The following B3GAT2 variants were observed in gnomAD, a reference collection of about 807,000 sequenced individuals.
B3GAT2 encodes the protein galactosylgalactosylxylosylprotein 3-beta-glucuronosyltransferase 2.
In B3GAT2, 26 loss-of-function variants were observed where a neutral mutation model predicts 27.8. The observed-to-expected ratio is 0.93, with a 90% confidence interval of 0.68 to 1.30. The LOEUF is 1.30. Among genes scored for constraint, B3GAT2 ranks in the 50% most tolerant of loss-of-function variants. The pLI is 0.00. For missense variants in B3GAT2, 458 were observed against 459.0 expected (o/e 1.00, Z 0.02); for synonymous variants, 218 against 195.1 (o/e 1.12, Z -0.98).
At chr6:70,925,554 C>T (rs1772941292) in intron 1 of B3GAT2, among the ~76,000 whole-genome samples, 1 of 152,218 alleles carries the variant, frequency 6.6e-6, no homozygotes, top group Non-Finnish European at 1.5e-5. Flanking sequence ...ACTGCTAGCA[C>T]AGCAGTCCGA....
At chr6:70,949,083 A>G (rs1336186521) in intron 1 of B3GAT2, among the ~76,000 whole-genome samples, 1 of 152,158 alleles carries the variant, frequency 6.6e-6, no homozygotes, top group Non-Finnish European at 1.5e-5. Context: ...TAAACGTTAG[A>G]CCTAAAACCA....
intron 1 of B3GAT2, among the ~76,000 whole-genome samples, chr6:70,942,969 T>A (rs952682775): frequency 1.3e-5 from 2 of 152,184 alleles, no homozygotes; most frequent in Non-Finnish European, 2.9e-5. Flanking sequence ...CAGTTCAAGC[T>A]GAAGGAACAA....
chr6:70,917,844 G>A (rs920190300), intron 1 of B3GAT2, among the ~76,000 whole-genome samples: 3 of 152,186 alleles, frequency 2.0e-5, no homozygotes, highest in African/African-American at 4.8e-5. Flanking sequence ...GAATAAGTGT[G>A]ATGTGGGGCT....
chr6:70,928,600 T>G (rs535408900), intron 1 of B3GAT2, among the ~76,000 whole-genome samples: 2 of 152,068 alleles, frequency 1.3e-5, no homozygotes, highest in East Asian at 3.8e-4. Flanking sequence ...AATAGAAAAA[T>G]TCCTGGACAC....
intron 1 of B3GAT2, among the ~76,000 whole-genome samples, chr6:70,911,272 T>C (rs913792125): frequency 6.6e-5 from 10 of 152,178 alleles, no homozygotes; most frequent in Admixed American, 3.9e-4. Flanking sequence ...GGTTTTCCTC[T>C]AGGGTTTTAT....
intron 1 of B3GAT2, among the ~76,000 whole-genome samples, chr6:70,898,619 ATT>A (rs1772434709): frequency 6.6e-6 from 1 of 152,084 alleles, no homozygotes; most frequent in Admixed American, 6.6e-5. Context: ...AATGGCCATG[ATT>A]TTTCAGCTCC....
intron 1 of B3GAT2, among the ~76,000 whole-genome samples, chr6:70,955,417 A>AC: frequency 3.1e-5 from 1 of 32,734 alleles, no homozygotes; most frequent in Non-Finnish European, 6.5e-5. Context: ...CGTCCCCACC[A>AC]CCCCCACCCC....
rs369211351 is a variant in B3GAT2 at position 70,956,154 on chromosome 6, C to T, written c.276G>A (p.Pro92=). The change falls in exon 1 of 4, where the codon CCG becomes CCA. Residue 92 remains proline (P), a synonymous_variant. Transcript: ENST00000230053. ...GGCGGGTCAGCTCCGCTTTCTGCAC[C>T]GGGCGGCTGTAGGTGGGCGTGATGG... is the stretch of plus-strand genomic sequence containing the variant. ...IYAITPTYSR[P]VQKAELTRLA... 2.3e-5 allele frequency: 37 copies of T among 1,607,070 alleles called. No homozygotes were observed. Among genetic ancestry groups the T allele is most frequent in the African/African-American group, 5.4e-5 (4 of 74,734 alleles).
intron 1 of B3GAT2, among the ~76,000 whole-genome samples, chr6:70,950,971 C>A (rs570086741): frequency 6.6e-6 from 1 of 152,172 alleles, no homozygotes; most frequent in East Asian, 1.9e-4. Flanking sequence ...TATTTCTGTG[C>A]TTTGGAGATG....
At chr6:70,927,627 C>T (rs1205389220) in intron 1 of B3GAT2, among the ~76,000 whole-genome samples, 2 of 152,178 alleles carry the variant, frequency 1.3e-5, no homozygotes, top group East Asian at 3.8e-4. Flanking sequence ...CAAGAGCTAA[C>T]TATCCTAAAT....
Position 70,857,976 on chromosome 6 carries a change from T to C in B3GAT2, c.*3687A>G. 6.2e-7 allele frequency: 1 copy of C among 1,614,154 alleles called. No homozygotes were observed. Among genetic ancestry groups the C allele is most frequent in the Non-Finnish European group, 8.5e-7 (1 of 1,180,008 alleles). ...TTTACCTCACAAGCACCAGCTGCAT[T>C]TCAGGGCTTTCCATCGATGGGCGTG... is the stretch of plus-strand genomic sequence containing the variant. On this transcript the variant is annotated 3_prime_UTR_variant, in exon 4 of 4. Transcript: ENST00000230053.
chr6:70,860,626 A>G lies in B3GAT2; in HGVS notation c.*1037T>C. 1 of 434,186 alleles carries G rather than the reference A, an allele frequency of 2.3e-6. No homozygotes were observed. The highest frequency in any genetic ancestry group is 7.5e-5 in the South Asian group (1 of 13,260). The allele number at this position is 434,186 out of a possible 1,614,324, so 26.9% of individuals were successfully genotyped here. Reference sequence around the variant, plus strand: ...CAAAATCAGTTTTCCTCTCAATAAAATTATAGCTCTAATGTTTGCATATAA... The same window carrying G: ...CAAAATCAGTTTTCCTCTCAATAAAGTTATAGCTCTAATGTTTGCATATAA... On this transcript the variant is annotated 3_prime_UTR_variant, in exon 4 of 4. Transcript: ENST00000230053.
Position 70,956,478 on chromosome 6 carries a change from GGGAC to G in B3GAT2, c.-53_-50del, listed in dbSNP as rs1765660271. 7.1e-6 allele frequency: 11 copies of G among 1,548,550 alleles called. 1 individual carries two copies. In the Middle Eastern group the frequency reaches 5.7e-4, roughly 81 times the overall value. ...GACACCCCAGAGAGGGGCGAGCCGAGGGACCCCAGTGCGCAGCTTGGACAGCGGC... is the reference window on the plus strand; with the variant it reads ...GACACCCCAGAGAGGGGCGAGCCGAGCCCAGTGCGCAGCTTGGACAGCGGC... On this transcript the variant is annotated 5_prime_UTR_variant, in exon 1 of 4. Transcript: ENST00000230053.
chr6:70,941,055 A>G (rs1765384319), intron 1 of B3GAT2, among the ~76,000 whole-genome samples: 1 of 152,140 alleles, frequency 6.6e-6, no homozygotes, highest in South Asian at 2.1e-4. Context: ...CTTTGTAGAC[A>G]AGCCCTATTT....
At chr6:70,902,635 T>TACACAC (rs748935490) in intron 1 of B3GAT2, among the ~76,000 whole-genome samples, 2 of 143,204 alleles carry the variant, frequency 1.4e-5, no homozygotes, top group African/African-American at 5.3e-5. Flanking sequence ...TATATATATA[T>TACACAC]ATACACACAC....
rs1024187141 is a variant in B3GAT2, at chr6:70,857,403, CTA to C, written c.*4258_*4259del. The C allele has an allele frequency of 4.7e-5, 8 of 169,500 alleles. No individual in the cohort carries two copies. Among genetic ancestry groups the C allele is most frequent in the African/African-American group, 1.9e-4 (8 of 42,052 alleles). The allele number at this position is 169,500 out of a possible 1,614,324, so 10.5% of individuals were successfully genotyped here. ...AGTTACCACATGGATTAAAAAAAAT[CTA>C]TGAATTTTTTTGTAATCATAACAAA... On this transcript the variant is annotated 3_prime_UTR_variant, in exon 4 of 4. Transcript: ENST00000230053.
At chr6:70,892,818 C>T (rs749041873) in intron 2 of B3GAT2, among the ~76,000 whole-genome samples, 2 of 152,216 alleles carry the variant, frequency 1.3e-5, no homozygotes, top group African/African-American at 4.8e-5. Context: ...GGGCCATGCA[C>T]TCTGAGCGGG....
intron 2 of B3GAT2, among the ~76,000 whole-genome samples, chr6:70,862,190 C>T (rs768636384): frequency 3.9e-5 from 6 of 152,038 alleles, no homozygotes; most frequent in African/African-American, 7.2e-5. Flanking sequence ...AAAATAAAGG[C>T]GTGCACAGGA....
chr6:70,949,077 C>T lies in B3GAT2; in HGVS notation c.591+6762G>A, dbSNP rs541465808. Among the ~76,000 whole-genome samples the T allele has an allele frequency of 3.9e-5, 6 of 151,958 alleles. No individual in the cohort carries two copies. In the East Asian group the frequency reaches 7.7e-4, roughly 20 times the overall value. Reference sequence around the variant, plus strand: ...AATTAATTCAAGATGGAAACTTAAACGTTAGACCTAAAACCATAAAAACCC... The same window carrying T: ...AATTAATTCAAGATGGAAACTTAAATGTTAGACCTAAAACCATAAAAACCC... On this transcript the variant is annotated intron_variant, in intron 1 of 3. Coordinates refer to ENST00000230053, the MANE Select transcript of B3GAT2 (RefSeq NM_080742.3).
Sources: allele counts gnomAD v4.1 joint callset (sites outside exome capture counted in the v4.1 genomes callset), GRCh38; gene constraint gnomAD v4.1.1; transcripts MANE v1.5; gene names NCBI Gene and HGNC (gene_info 2026-07-23, HGNC 2026-07-21).